DICER1: variants seen among roughly 807,000 people sequenced by gnomAD.
The protein encoded by DICER1 is dicer 1, ribonuclease III.
In DICER1, 43 loss-of-function variants were observed where a neutral mutation model predicts 194.1. The observed-to-expected ratio is 0.22, with a 90% CI of 0.17 to 0.29. DICER1 has a LOEUF of 0.29. Among genes scored for constraint, DICER1 ranks in the 10% least tolerant of loss-of-function variants. The probability of loss-of-function intolerance (pLI) is 1.00; values close to 1 mark genes in which losing one functional copy is unlikely to be tolerated. For missense variants in DICER1, 1,608 were observed against 2,317.0 expected (o/e 0.69, Z 6.28); for synonymous variants, 832 against 820.5 (o/e 1.01, Z -0.24).
At chr14:95,125,707 AGGGAGGAGGAG>A (rs1182525030) in intron 7 of DICER1, among the ~76,000 whole-genome samples, 9 of 26,994 alleles carry the variant, frequency 3.3e-4, no homozygotes, top group Non-Finnish European at 4.6e-4. Flanking sequence ...GGGAGGGGAG[AGGGAGGAGGAG>A]GGGAGGAAGA....
rs1325571289 is a variant in DICER1, at chr14:95,095,561, A to G, written c.5095+264T>C. On this transcript the variant is annotated intron_variant, in intron 23 of 26. Transcript: ENST00000343455. ...AAACACATCAAAATACTAAGGTTAA[A>G]ATTTCTCTAATTAGGCAGATATAAA... 8.3e-6 allele frequency: 4 copies of G among 479,668 alleles called. No homozygotes were observed. The East Asian group carries it at 1.5e-4, about 18-fold the overall frequency. The allele number at this position is 479,668 out of a possible 1,614,324, so 29.7% of individuals were successfully genotyped here. A position where few individuals can be genotyped will look rare whatever the true frequency, so the allele number is the denominator to read the frequency against.
At chr14:95,126,245 C>A (rs527284046) in intron 7 of DICER1, among the ~76,000 whole-genome samples, 11 of 152,040 alleles carry the variant, frequency 7.2e-5, no homozygotes, top group African/African-American at 1.4e-4. Flanking sequence ...TAGGAAACTG[C>A]GGAAGAATTT....
Position 95,091,431 on chromosome 14 carries a change from G to C in DICER1, c.5365-66C>G, listed in dbSNP as rs1889832173. ...CTTTTACAGGCAGTCCACAGATGTA[G>C]TTTCTTTTCTTGGATATATGACTTT... is the stretch of plus-strand genomic sequence containing the variant. On this transcript the variant is annotated intron_variant, in intron 24 of 26. Coordinates refer to ENST00000343455, the MANE Select transcript of DICER1 (RefSeq NM_177438.3). 3.4e-6 allele frequency: 5 copies of C among 1,473,714 alleles called. No homozygotes were observed. The Admixed American group carries it at 8.4e-5, about 25-fold the overall frequency. The allele number at this position is 1,473,714 out of a possible 1,614,324, so 91.3% of individuals were successfully genotyped here.
chr14:95,135,482 C>A (rs1423580320), intron 1 of DICER1, among the ~76,000 whole-genome samples: 1 of 152,160 alleles, frequency 6.6e-6, no homozygotes, highest in Non-Finnish European at 1.5e-5. Flanking sequence ...ATATAGATAA[C>A]ATTAGTAATA....
Position 95,087,999 on chromosome 14 carries a change from C to T in DICER1, c.*2499G>A. 4.3e-6 allele frequency: 1 copy of T among 232,912 alleles called. No individual in the cohort carries two copies. 14.4% of individuals were successfully genotyped at this position (232,912 alleles called of 1,614,324 possible). On this transcript the variant is annotated 3_prime_UTR_variant, in exon 27 of 27. Transcript: ENST00000343455. Reference sequence around the variant, plus strand: ...AGGAAAACTTTACAGCATTAAAAATCAGCAGCACAAAAGCGTTCATAACCA... The same window carrying T: ...AGGAAAACTTTACAGCATTAAAAATTAGCAGCACAAAAGCGTTCATAACCA...
chr14:95,095,928 C>T lies in DICER1; in HGVS notation c.4992G>A (p.Ser1664=), dbSNP rs781268313. 24 of 1,614,018 alleles carry T rather than the reference C, an allele frequency of 1.5e-5. No individual in the cohort carries two copies. In the South Asian group the frequency reaches 2.3e-4, roughly 16 times the overall value. ...DADKTLNHLI[S]GFENFEKKIN... ...TTTTCTTTTCAAAATTTTCAAACCCCGATATAAGGTGATTCAGTGTTTTAT... is the reference window on the plus strand; with the variant it reads ...TTTTCTTTTCAAAATTTTCAAACCCTGATATAAGGTGATTCAGTGTTTTAT... Residue 1664 remains serine (S), a synonymous_variant, in exon 23 of 27, where the codon TCG becomes TCA. Coordinates refer to ENST00000343455, the MANE Select transcript of DICER1 (RefSeq NM_177438.3).
intron 23 of DICER1, 121 bp from the exon 24 acceptor site, chr14:95,094,277 C>A: frequency 1.6e-6 from 2 of 1,275,666 alleles, no homozygotes; most frequent in Non-Finnish European, 2.2e-6. Flanking sequence ...TACATATATT[C>A]TTCAAAAAGG....
intron 14 of DICER1, 84 bp downstream of exon 14, chr14:95,111,233 G>C (rs1891925143): frequency 2.6e-6 from 4 of 1,550,674 alleles, no homozygotes; most frequent in Non-Finnish European, 1.8e-6. Flanking sequence ...TGGGAAGCCA[G>C]CCAAGCAGAG....
At chr14:95,120,784 G>A (rs1010156696) in intron 8 of DICER1, among the ~76,000 whole-genome samples, 3 of 152,160 alleles carry the variant, frequency 2.0e-5, no homozygotes, top group African/African-American at 7.2e-5. Flanking sequence ...TAAGTAGACA[G>A]TTACATAAAA....
At chr14:95,131,870 C>A (rs1045205787) in intron 3 of DICER1, among the ~76,000 whole-genome samples, 1 of 152,130 alleles carries the variant, frequency 6.6e-6, no homozygotes, top group East Asian at 1.9e-4. Flanking sequence ...AACCCTACAC[C>A]ACCTTTCTTC....
chr14:95,113,310 C>G (rs1226831378), intron 11 of DICER1, 86 bp from the exon 12 acceptor site: 1 of 1,263,814 alleles, frequency 7.9e-7, no homozygotes, highest in East Asian at 2.4e-5. Flanking sequence ...TGTCATGTGC[C>G]TCTTCCCCTC....
At chr14:95,137,097 A>G (rs1894431088) in intron 1 of DICER1, among the ~76,000 whole-genome samples, 1 of 151,946 alleles carries the variant, frequency 6.6e-6, no homozygotes, top group Non-Finnish European at 1.5e-5. Context: ...GAAGGGAAAG[A>G]AGGAAAGGAG....
intron 6 of DICER1, chr14:95,128,985 TC>T (rs145360737): frequency 0.027 from 4,207 of 155,196 alleles, 189 homozygotes; most frequent in African/African-American, 0.095. Flanking sequence ...AGTAACCCTC[TC>T]AAAAAGAGTC....
intron 17 of DICER1, among the ~76,000 whole-genome samples, chr14:95,106,742 T>C (rs1466489563): frequency 1.3e-5 from 2 of 152,072 alleles, no homozygotes; most frequent in Non-Finnish European, 2.9e-5. Flanking sequence ...CTGTATTGTA[T>C]TGCCCCAAAA....
At chr14:95,140,602 CAAGA>C (rs1458670966) in intron 1 of DICER1, 1 of 152,104 alleles carries the variant, frequency 6.6e-6, no homozygotes, top group Non-Finnish European at 1.5e-5. Context: ...TAGCAAAAGA[CAAGA>C]AAGACAAGAA....
rs542883251 is a variant in DICER1, at chr14:95,089,072, C to T, written c.*1426G>A. The T allele has an allele frequency of 2.6e-5, 6 of 231,968 alleles. No individual in the cohort carries two copies. Among genetic ancestry groups the T allele is most frequent in the Admixed American group, 5.7e-5 (1 of 17,646 alleles). 14.4% of individuals were successfully genotyped at this position (231,968 alleles called of 1,614,324 possible). A position where few individuals can be genotyped will look rare whatever the true frequency, so the allele number is the denominator to read the frequency against. On this transcript the variant is annotated 3_prime_UTR_variant, in exon 27 of 27. Transcript: ENST00000343455. Reference sequence around the variant, plus strand: ...TGCAAAAAAAAAAAAATTAAAATTTCAAGCATAATACATAAACATAGCACC... The same window carrying T: ...TGCAAAAAAAAAAAAATTAAAATTTTAAGCATAATACATAAACATAGCACC...
intron 22 of DICER1, 133 bp from the exon 23 acceptor site, chr14:95,096,846 C>T (rs533271481): frequency 2.0e-6 from 2 of 1,004,458 alleles, no homozygotes; most frequent in South Asian, 3.8e-5. Flanking sequence ...ACTTTAAAAT[C>T]ATGGCCATTT....
chr14:95,104,213 C>T lies in DICER1; in HGVS notation c.3270-87G>A, dbSNP rs774244830. ...AGCAATTTGAATTTAAAAACAAAAA[C>T]AAAGATCCCAAAAATGTACTCCTAA... On this transcript the variant is annotated intron_variant, in intron 20 of 26. Transcript: ENST00000343455. 3.6e-4 allele frequency: 410 copies of T among 1,123,644 alleles called. 1 individual carries two copies. The highest frequency in any genetic ancestry group is 3.4e-4 in the Non-Finnish European group (262 of 779,610). 69.6% of individuals were successfully genotyped at this position (1,123,644 alleles called of 1,614,324 possible).
rs544239277 is a variant in DICER1 at position 95,092,615 on chromosome 14, G to C, written c.5365-1250C>G. ...ACAGCTGAGGAAACGGAGGCCCAGA[G>C]AGGTAAAGAGACTTTCTTAAGATCA... On this transcript the variant is annotated intron_variant, in intron 24 of 26. Transcript: ENST00000343455. Among the ~76,000 whole-genome samples the C allele has an allele frequency of 2.6e-5, 4 of 152,304 alleles. No individual in the cohort carries two copies. The South Asian group carries it at 8.3e-4, about 32-fold the overall frequency.
Sources: allele counts gnomAD v4.1 joint callset (sites outside exome capture counted in the v4.1 genomes callset), GRCh38; gene constraint gnomAD v4.1.1; transcripts MANE v1.5; gene names NCBI Gene and HGNC (gene_info 2026-07-23, HGNC 2026-07-21).